NTRK3: variants seen among roughly 807,000 people sequenced by gnomAD.
The protein encoded by NTRK3 is NT-3 growth factor receptor.
A neutral mutation model predicts 91.7 loss-of-function variants in NTRK3; 24 were observed. The observed-to-expected ratio is 0.26, with a 90% CI of 0.19 to 0.37. The LOEUF is 0.37. NTRK3 is among the 10% of genes least tolerant of loss of function. The probability of loss-of-function intolerance (pLI) is 1.00; values close to 1 mark genes in which losing one functional copy is unlikely to be tolerated. For missense variants in NTRK3, 880 were observed against 1,068.9 expected (o/e 0.82, Z 2.46); for synonymous variants, 483 against 404.0 (o/e 1.20, Z -2.34).
chr15:88,110,296 G>C (rs1405437255), intron 13 of NTRK3, among the ~76,000 whole-genome samples: 8 of 152,218 alleles, frequency 5.3e-5, no homozygotes, highest in Non-Finnish European at 1.0e-4. Context: ...AGGCAGGTCA[G>C]ACCTAGCGTC....
At chr15:87,876,799 T>A in exon 19 of NTRK3, 1 of 1,021,468 alleles carries the variant, frequency 9.8e-7, no homozygotes, top group Non-Finnish European at 1.5e-6. Flanking sequence ...TTCAGTGTTG[T>A]ATGTGTAGCA....
intron 15 of NTRK3, among the ~76,000 whole-genome samples, chr15:87,935,680 C>A (rs866015818): frequency 6.6e-6 from 1 of 152,094 alleles, no homozygotes; most frequent in African/African-American, 2.4e-5. Flanking sequence ...AAATTTGGGG[C>A]CAGCCAAATG....
At chr15:87,894,460 A>G (rs1201273374) in intron 17 of NTRK3, among the ~76,000 whole-genome samples, 1 of 152,198 alleles carries the variant, frequency 6.6e-6, no homozygotes, top group Non-Finnish European at 1.5e-5. Flanking sequence ...TCGTGTGTAC[A>G]GTCATAGATA....
chr15:88,249,957 A>G (rs1483771621), intron 3 of NTRK3, among the ~76,000 whole-genome samples: 1 of 152,122 alleles, frequency 6.6e-6, no homozygotes, highest in African/African-American at 2.4e-5. Flanking sequence ...CATTCCCGCA[A>G]TGCTGCCCTT....
chr15:88,177,316 T>C (rs2046090567), intron 5 of NTRK3, among the ~76,000 whole-genome samples: 1 of 152,050 alleles, frequency 6.6e-6, no homozygotes, highest in Admixed American at 6.5e-5. Flanking sequence ...GTGTGGACAA[T>C]GAAATGTAGC....
At position 88,189,572 on chromosome 15, in the gene NTRK3, G is replaced by A. The variant is rs1369314234; in HGVS notation, c.249-5273C>T. Among the ~76,000 whole-genome samples, 4 of 152,172 alleles carry A rather than the reference G, an allele frequency of 2.6e-5. No individual in the cohort carries two copies. The East Asian group carries it at 7.7e-4, about 29-fold the overall frequency. ...CAATTCTCCTGCCTTAGCCTCCCGA[G>A]TAGCTGGGATTACAGACATGTGCCA... On this transcript the variant is annotated intron_variant, in intron 3 of 18. Transcript: ENST00000394480.
chr15:87,948,842 G>A (rs1296013293), intron 14 of NTRK3, among the ~76,000 whole-genome samples: 1 of 152,158 alleles, frequency 6.6e-6, no homozygotes. Flanking sequence ...CTAAGAATAA[G>A]AACCTGGATC....
At chr15:88,204,217 G>T (rs111928103) in intron 3 of NTRK3, among the ~76,000 whole-genome samples, 68 of 152,272 alleles carry the variant, frequency 4.5e-4, no homozygotes, top group African/African-American at 1.6e-3. Flanking sequence ...ATTGGATTCC[G>T]CAGCAGTTGC....
exon 9 of NTRK3, chr15:88,135,957 C>A (rs775675734): frequency 9.3e-6 from 15 of 1,614,124 alleles, no homozygotes; most frequent in African/African-American, 1.3e-5. Flanking sequence ...CTGCAATGCA[C>A]GTCAGGGTGA....
chr15:88,175,478 T>C (rs1233468431), intron 5 of NTRK3, among the ~76,000 whole-genome samples: 1 of 152,018 alleles, frequency 6.6e-6, no homozygotes, highest in Non-Finnish European at 1.5e-5. Context: ...ATTCACAGAG[T>C]TGTGAATCAA....
chr15:88,150,166 T>C (rs1012903366), intron 5 of NTRK3, among the ~76,000 whole-genome samples: 3 of 152,046 alleles, frequency 2.0e-5, no homozygotes, highest in Non-Finnish European at 4.4e-5. Context: ...CAAAAGCAAC[T>C]GGTGGGAACT....
intron 3 of NTRK3, among the ~76,000 whole-genome samples, chr15:88,191,823 G>T (rs376691652): frequency 6.6e-6 from 1 of 152,266 alleles, no homozygotes; most frequent in Non-Finnish European, 1.5e-5. Flanking sequence ...CTGGGAAGGA[G>T]CGCATGGGAT....
At chr15:88,078,237 G>A (rs2047729205) in intron 13 of NTRK3, among the ~76,000 whole-genome samples, 1 of 152,176 alleles carries the variant, frequency 6.6e-6, no homozygotes, top group Non-Finnish European at 1.5e-5. Flanking sequence ...TGTTCTGGGG[G>A]TAGAGGTACA....
chr15:88,041,419 A>G (rs2079597763), intron 13 of NTRK3, among the ~76,000 whole-genome samples: 1 of 152,142 alleles, frequency 6.6e-6, no homozygotes, highest in South Asian at 2.1e-4. Context: ...ACTCACTAGG[A>G]CTGCAGTTTT....
At chr15:88,118,422 G>A (rs1307734037) in intron 13 of NTRK3, among the ~76,000 whole-genome samples, 1 of 152,118 alleles carries the variant, frequency 6.6e-6, no homozygotes, top group Non-Finnish European at 1.5e-5. Flanking sequence ...TGACTTTACA[G>A]GGGGTAAAAA....
intron 15 of NTRK3, among the ~76,000 whole-genome samples, chr15:87,933,566 G>C (rs2068996126): frequency 6.6e-6 from 1 of 152,224 alleles, no homozygotes; most frequent in African/African-American, 2.4e-5. Flanking sequence ...CCCACAGCTG[G>C]AATAAACAGT....
intron 13 of NTRK3, among the ~76,000 whole-genome samples, chr15:88,056,953 G>A (rs532589520): frequency 2.0e-5 from 3 of 151,106 alleles, no homozygotes; most frequent in African/African-American, 4.9e-5. Context: ...GGCGGATCAC[G>A]AGGTCAGGAG....
chr15:87,888,777 T>C (rs974586727), intron 17 of NTRK3, among the ~76,000 whole-genome samples: 1 of 152,200 alleles, frequency 6.6e-6, no homozygotes, highest in Non-Finnish European at 1.5e-5. Flanking sequence ...GTTGGCTTTT[T>C]TTTTTGTCTA....
rs148463671 is a variant in NTRK3, at chr15:88,117,116, G to C, written c.1396+9155C>G. 3.3e-5 allele frequency among the ~76,000 whole-genome samples: 5 copies of C among 152,292 alleles called. No individual in the cohort carries two copies. In the East Asian group the frequency reaches 9.6e-4, roughly 29 times the overall value. On this transcript the variant is annotated intron_variant, in intron 13 of 18. Transcript: ENST00000394480. ...ATTAAGTGACCTGGAGTGTGGCCTAGGTTTGGGAAGTTATATAATCTTATC... is the reference window on the plus strand; with the variant it reads ...ATTAAGTGACCTGGAGTGTGGCCTACGTTTGGGAAGTTATATAATCTTATC...
Sources: allele counts gnomAD v4.1 joint callset (sites outside exome capture counted in the v4.1 genomes callset), GRCh38; gene constraint gnomAD v4.1.1; transcripts MANE v1.5; gene names NCBI Gene and HGNC (gene_info 2026-07-23, HGNC 2026-07-21).